Variants in SORCS1 observed in about 807,000 individuals in gnomAD.
SORCS1 encodes the protein sortilin related VPS10 domain containing receptor 1, also known as VPS10 domain-containing receptor SorCS1.
SORCS1 carries 60 observed loss-of-function variants against 146.1 expected under a neutral mutation model. The ratio of observed to expected loss-of-function variants is 0.41; its 90% CI spans 0.33 to 0.51. The LOEUF (loss-of-function observed/expected upper bound fraction) is 0.51. Ranked by LOEUF, SORCS1 falls within the 20% of genes least tolerant of loss-of-function variation. SORCS1 has a pLI of 0.21. For synonymous variants in SORCS1, 637 were observed against 584.0 expected, an observed-to-expected ratio of 1.09 and a Z score of -1.31; for missense variants, 1,352 against 1,487.6, an observed-to-expected ratio of 0.91 and a Z score of 1.50.
In SORCS1 at chr10:107,164,156, G is replaced by C. The variant is rs1352520310; in HGVS notation, c.371C>G (p.Ala124Gly). 1.2e-6 allele frequency: 2 copies of C among 1,612,850 alleles called. No homozygotes were observed. Residue 124 changes from alanine to glycine, a missense_variant, in exon 1 of 26, where the codon GCG (alanine) becomes GGG (glycine). Ala to Gly is a moderately conservative substitution (Grantham distance 60, BLOSUM62 0). Coordinates refer to ENST00000263054, the MANE Select transcript of SORCS1 (RefSeq NM_052918.5). The surrounding 1 kb of genome is among the most constrained non-coding windows in gnomAD (Gnocchi z 6.8). ...TAGCACTCCCCGGGGGCTCCGACTCGCGCCCTCTCCCCGTTCTGCCTTCTC... is the reference window on the plus strand; with the variant it reads ...TAGCACTCCCCGGGGGCTCCGACTCCCGCCCTCTCCCCGTTCTGCCTTCTC... ...DQEKAERGEG[A>G]SRSPRGVLRD... is the part of the protein sequence containing the mutation.
intron 4 of SORCS1, among the ~76,000 whole-genome samples, chr10:106,764,483 T>C (rs1260085100): frequency 6.6e-6 from 1 of 152,210 alleles, no homozygotes; most frequent in East Asian, 1.9e-4. Flanking sequence ...TTCATAGTGT[T>C]GGCAGCACCT....
At chr10:106,637,738 G>GGC (rs1564804853) in intron 18 of SORCS1, among the ~76,000 whole-genome samples, 1 of 152,164 alleles carries the variant, frequency 6.6e-6, no homozygotes, top group Non-Finnish European at 1.5e-5. Flanking sequence ...AATGAAGATG[G>GGC]CTGTTTTTTC....
chr10:106,890,054 A>C (rs1018684885), intron 2 of SORCS1, among the ~76,000 whole-genome samples: 1 of 152,114 alleles, frequency 6.6e-6, no homozygotes, highest in Non-Finnish European at 1.5e-5. Context: ...GGTTTTTGTA[A>C]AAATACAGAC....
At chr10:106,775,051 A>G (rs1361571997) in intron 4 of SORCS1, among the ~76,000 whole-genome samples, 1 of 152,184 alleles carries the variant, frequency 6.6e-6, no homozygotes, top group Non-Finnish European at 1.5e-5. Flanking sequence ...CACAGTGACC[A>G]TGGGAGGCAC....
At chr10:107,153,652 A>G (rs1969028971) in intron 1 of SORCS1, among the ~76,000 whole-genome samples, 1 of 152,248 alleles carries the variant, frequency 6.6e-6, no homozygotes, top group South Asian at 2.1e-4. Flanking sequence ...TCTCCCAACA[A>G]TAGTGATTAA....
rs184921802 is a variant in SORCS1, at chr10:107,073,610, T to A, written c.558+90359A>T. The stretch of plus-strand genomic sequence containing the variant: ...TCTATAAGGCAGATAAGTCTTAGTA[T>A]CCCTATTTTACAGATAAAGAAAGCG... On this transcript the variant is annotated intron_variant, in intron 1 of 25. Coordinates refer to ENST00000263054, the MANE Select transcript of SORCS1 (RefSeq NM_052918.5). Among the ~76,000 whole-genome samples the A allele has an allele frequency of 1.1e-4, 16 of 152,320 alleles. No homozygotes were observed. The East Asian group carries it at 2.1e-3, about 20-fold the overall frequency.
chr10:106,662,316 T>C (rs935229052), intron 17 of SORCS1, among the ~76,000 whole-genome samples: 2 of 151,894 alleles, frequency 1.3e-5, no homozygotes, highest in Admixed American at 1.3e-4. Context: ...GTGAGTTATT[T>C]AAGAACTTTT....
intron 1 of SORCS1, among the ~76,000 whole-genome samples, chr10:106,981,853 G>A (rs1256881123): frequency 3.9e-5 from 6 of 152,114 alleles, no homozygotes; most frequent in African/African-American, 7.2e-5. Flanking sequence ...CCAACTACTC[G>A]ATGCTCCTGG....
At position 106,878,645 on chromosome 10, in the gene SORCS1, TA is replaced by T. The variant is rs1459295761; in HGVS notation, c.627-48973del. Among the ~76,000 whole-genome samples, 37 of 140,580 alleles carry T rather than the reference TA, an allele frequency of 2.6e-4. 1 individual carries two copies. The South Asian group carries it at 2.7e-3, about 10-fold the overall frequency. 92.2% of individuals were successfully genotyped at this position (140,580 alleles called of 152,430 possible). ...GTATATATATATATATATATATATA[TA>T]TATTTTATAGCAGCCTGAATGGACT... On this transcript the variant is annotated intron_variant, in intron 2 of 25. Coordinates refer to ENST00000263054, the MANE Select transcript of SORCS1 (RefSeq NM_052918.5).
chr10:106,946,087 C>T (rs944097183), intron 2 of SORCS1, among the ~76,000 whole-genome samples: 4 of 152,104 alleles, frequency 2.6e-5, no homozygotes, highest in East Asian at 1.9e-4. Flanking sequence ...CTCGAGGTCA[C>T]GTAGCACATT....
chr10:106,976,874 C>T (rs1164517389), intron 1 of SORCS1, among the ~76,000 whole-genome samples: 1 of 152,158 alleles, frequency 6.6e-6, no homozygotes, highest in Admixed American at 6.5e-5. Flanking sequence ...TGATCTCATT[C>T]TCTTTTATGG....
At chr10:106,834,392 A>G (rs1399050299) in intron 2 of SORCS1, among the ~76,000 whole-genome samples, 1 of 152,246 alleles carries the variant, frequency 6.6e-6, no homozygotes, top group African/African-American at 2.4e-5. Context: ...ATAACTTTTC[A>G]CAAACTATAT....
chr10:106,964,048 T>A (rs1416340385), intron 1 of SORCS1, among the ~76,000 whole-genome samples: 2 of 152,182 alleles, frequency 1.3e-5, no homozygotes, highest in East Asian at 3.9e-4. Context: ...TGAGTGTGAT[T>A]CTGATAAAGA....
At position 106,872,586 on chromosome 10, in the gene SORCS1, C is replaced by T. The variant is rs1288392147; in HGVS notation, c.627-42913G>A. 2.6e-5 allele frequency among the ~76,000 whole-genome samples: 4 copies of T among 152,144 alleles called. No individual in the cohort carries two copies. In the East Asian group the frequency reaches 5.8e-4, roughly 22 times the overall value. ...AAATGCAAAATAGGGATAGGCATGCCTATTCTCCTAAGAATGTTGGAAAAG... is the reference window on the plus strand; with the variant it reads ...AAATGCAAAATAGGGATAGGCATGCTTATTCTCCTAAGAATGTTGGAAAAG... On this transcript the variant is annotated intron_variant, in intron 2 of 25. Transcript: ENST00000263054.
At chr10:106,629,020 A>G (rs1292700127) in intron 19 of SORCS1, among the ~76,000 whole-genome samples, 182 bp downstream of exon 19, 1 of 152,040 alleles carries the variant, frequency 6.6e-6, no homozygotes, top group South Asian at 2.1e-4. Flanking sequence ...GGATTAATCA[A>G]ATTCTACTCT....
At chr10:107,117,882 G>A (rs567291322) in intron 1 of SORCS1, among the ~76,000 whole-genome samples, 1 of 152,256 alleles carries the variant, frequency 6.6e-6, no homozygotes, top group African/African-American at 2.4e-5. Flanking sequence ...TAATTTAGAA[G>A]AGACTTAGAA....
intron 6 of SORCS1, among the ~76,000 whole-genome samples, chr10:106,726,672 G>A (rs1347930302): frequency 6.6e-6 from 1 of 152,092 alleles, no homozygotes; most frequent in Non-Finnish European, 1.5e-5. Context: ...CCTAAACTAG[G>A]GGTGCAATCA....
chr10:106,628,567 C>T (rs542118093), intron 19 of SORCS1, among the ~76,000 whole-genome samples: 5 of 152,322 alleles, frequency 3.3e-5, no homozygotes, highest in African/African-American at 9.6e-5. Flanking sequence ...CATACTTACT[C>T]ACATCTTTAG....
intron 21 of SORCS1, among the ~76,000 whole-genome samples, chr10:106,612,725 C>A (rs1013192655): frequency 6.6e-6 from 1 of 152,062 alleles, no homozygotes; most frequent in Non-Finnish European, 1.5e-5. Context: ...TCTAAGAGCC[C>A]GTAGCCCCTT....
Sources: gnomAD v4.1 joint callset for allele counts (sites outside exome capture counted in the v4.1 genomes callset) on GRCh38, gnomAD v4.1.1 for gene constraint, Gnocchi (gnomAD v3.1) non-coding constraint, MANE v1.5 for transcripts, NCBI Gene and HGNC (gene_info 2026-07-23, HGNC 2026-07-21) for gene names.